Variants in CFAP74 observed in about 807,000 individuals in gnomAD.
CFAP74 encodes cilia- and flagella-associated protein 74.
CFAP74 carries 124 observed loss-of-function variants against 188.9 expected under a neutral mutation model. The observed-to-expected ratio is 0.66, with a 90% CI of 0.57 to 0.76. The LOEUF (loss-of-function observed/expected upper bound fraction) is 0.76, where lower values mean the gene tolerates loss of function less well. Ranked by LOEUF, CFAP74 falls within the 30% of genes least tolerant of loss-of-function variation. CFAP74 has a pLI of 0.00. For missense variants in CFAP74, 2,198 were observed against 2,165.2 expected (o/e 1.02, Z -0.30); for synonymous variants, 956 against 916.7 (o/e 1.04, Z -0.77).
In CFAP74 at chr1:1,922,991, T is replaced by C; in HGVS notation, c.4677A>G (p.Pro1559=). The part of the protein sequence containing the change: ...VGCIRTTQPS[P]KKTVEFSIDS... ...GGGGCAGTGCTGTGGGCACCTTCTT[T>C]GGAGATGGCTGGGTGGTCCGGATAC... Residue 1559 remains proline (P), a synonymous_variant, in exon 37 of 39, where the codon CCA becomes CCG. Transcript: ENST00000682832. The C allele has an allele frequency of 6.3e-7, 1 of 1,579,054 alleles. No homozygotes were observed. Among genetic ancestry groups the C allele is most frequent in the Non-Finnish European group, 8.6e-7 (1 of 1,166,058 alleles).
At chr1:1,955,265 G>A in intron 18 of CFAP74, 1 of 1,293,526 alleles carries the variant, frequency 7.7e-7, no homozygotes, top group South Asian at 1.2e-5. Context: ...CGGGCTGCAG[G>A]GCAGGAGGCA....
At chr1:1,995,052 G>A (rs557154428) in intron 1 of CFAP74, among the ~76,000 whole-genome samples, 3 of 152,282 alleles carry the variant, frequency 2.0e-5, no homozygotes, top group Admixed American at 6.5e-5. Flanking sequence ...TCCTCCAGTG[G>A]GAGCAGTGGG....
At chr1:1,945,664 C>T (rs375747832) in intron 20 of CFAP74, among the ~76,000 whole-genome samples, 3 of 151,876 alleles carry the variant, frequency 2.0e-5, no homozygotes, top group South Asian at 2.1e-4. Context: ...CCCATCTCTA[C>T]GAAAAATACA....
At chr1:1,946,022 G>C (rs558903500) in intron 20 of CFAP74, among the ~76,000 whole-genome samples, 2 of 151,756 alleles carry the variant, frequency 1.3e-5, no homozygotes, top group East Asian at 1.9e-4. Context: ...GCGTGTGTGC[G>C]TGTGTACGTG....
chr1:1,969,250 G>GCCCTA (rs1439357356), intron 10 of CFAP74, among the ~76,000 whole-genome samples: 1 of 33,024 alleles, frequency 3.0e-5, no homozygotes, highest in Non-Finnish European at 6.0e-5. Context: ...GCCCTGCCCA[G>GCCCTA]CCCTGCCCAA....
chr1:1,986,859 C>T (rs1657270291), intron 5 of CFAP74, 78 bp downstream of exon 5: 1 of 1,244,980 alleles, frequency 8.0e-7, no homozygotes, highest in African/African-American at 1.5e-5. Flanking sequence ...GTGCTTCACG[C>T]CTCACTTTGG....
intron 6 of CFAP74, among the ~76,000 whole-genome samples, chr1:1,983,347 C>T (rs1246058296): frequency 2.6e-5 from 4 of 152,366 alleles, no homozygotes; most frequent in African/African-American, 7.2e-5. Context: ...TCCAAGGGAA[C>T]GGTGTCGCTG....
rs760592030 is a variant in CFAP74 at position 1,985,346 on chromosome 1, G to C, written c.500+40C>G. On this transcript the variant is annotated intron_variant, in intron 6 of 38. Coordinates refer to ENST00000682832, the MANE Select transcript of CFAP74 (RefSeq NM_001304360.2). ...GATGGGAAGGACTCGCACCGTTCTGGGGCCTGCCTGCTGCCAGTCCCGGCT... is the reference window on the plus strand; with the variant it reads ...GATGGGAAGGACTCGCACCGTTCTGCGGCCTGCCTGCTGCCAGTCCCGGCT... 6.4e-6 allele frequency: 10 copies of C among 1,559,156 alleles called. No individual in the cohort carries two copies. In the Admixed American group the frequency reaches 1.7e-4, roughly 26 times the overall value.
chr1:1,960,784 G>A (rs1345106601), intron 14 of CFAP74, among the ~76,000 whole-genome samples: 1 of 152,242 alleles, frequency 6.6e-6, no homozygotes, highest in African/African-American at 2.4e-5. Context: ...ACAGAGCCCG[G>A]GATGGAGCTG....
Position 1,967,899 on chromosome 1 carries a change from G to T in CFAP74, c.1245+736C>A, listed in dbSNP as rs530948005. ...CCTGGATGTGAGTGAGTGAGTGAATGAGTAAGTGAGTGAATAAGTGAATGT... is the reference window on the plus strand; with the variant it reads ...CCTGGATGTGAGTGAGTGAGTGAATTAGTAAGTGAGTGAATAAGTGAATGT... On this transcript the variant is annotated intron_variant, in intron 11 of 38. Coordinates refer to ENST00000682832, the MANE Select transcript of CFAP74 (RefSeq NM_001304360.2). Among the ~76,000 whole-genome samples the T allele has an allele frequency of 3.3e-5, 5 of 151,634 alleles. 1 individual carries two copies. The South Asian group carries it at 1.0e-3, about 31-fold the overall frequency.
At chr1:2,000,404 G>C (rs894255744) in intron 1 of CFAP74, among the ~76,000 whole-genome samples, 29 of 152,266 alleles carry the variant, frequency 1.9e-4, no homozygotes, top group African/African-American at 6.7e-4. Context: ...AGATCATCCT[G>C]CCTATGGCAC....
chr1:2,002,124 C>A (rs1460790457), intron 1 of CFAP74, among the ~76,000 whole-genome samples: 3 of 152,066 alleles, frequency 2.0e-5, no homozygotes, highest in Non-Finnish European at 4.4e-5. Flanking sequence ...GGAGAATGTC[C>A]TCGTTTGTGG....
chr1:1,926,650 A>G lies in CFAP74; in HGVS notation c.3772+2T>C, dbSNP rs1651925069. On this transcript the variant is annotated splice_donor_variant, in intron 30 of 38. Transcript: ENST00000682832. LOFTEE classifies it high-confidence loss of function. ...AGGTGTGGGCGGGGCTTAGCGTCTC[A>G]CCCACAGCGACGTCGCCGAAGTTAA... 1 of 1,548,632 alleles carries G rather than the reference A, an allele frequency of 6.5e-7. No individual in the cohort carries two copies. Among genetic ancestry groups the G allele is most frequent in the African/African-American group, 1.4e-5 (1 of 72,956 alleles).
rs116351168 is a variant in CFAP74 at position 1,956,892 on chromosome 1, G to A, written c.1852-108C>T. The stretch of plus-strand genomic sequence containing the variant: ...GCAGGGCTGCCCTGAGCATTTGTGC[G>A]CGTTGTGCACTGCACAAGCAGGTAC... On this transcript the variant is annotated intron_variant, in intron 16 of 38. Coordinates refer to ENST00000682832, the MANE Select transcript of CFAP74 (RefSeq NM_001304360.2). 8.0e-4 allele frequency: 906 copies of A among 1,128,566 alleles called. 7 individuals carry two copies. The African/African-American group carries it at 0.01, about 13-fold the overall frequency. 69.9% of individuals were successfully genotyped at this position (1,128,566 alleles called of 1,614,324 possible).
intron 25 of CFAP74, among the ~76,000 whole-genome samples, chr1:1,933,466 C>T (rs1041171233): frequency 1.3e-5 from 2 of 152,240 alleles, no homozygotes; most frequent in African/African-American, 4.8e-5. Context: ...AGGCGTGAGC[C>T]ACCGCACCCG....
intron 1 of CFAP74, among the ~76,000 whole-genome samples, chr1:2,001,661 C>T (rs933540871): frequency 6.6e-6 from 1 of 152,174 alleles, no homozygotes; most frequent in Non-Finnish European, 1.5e-5. Context: ...AAAAGAACTT[C>T]CCAGTGGAGA....
intron 6 of CFAP74, among the ~76,000 whole-genome samples, chr1:1,976,877 G>A (rs981581898): frequency 9.8e-5 from 14 of 142,382 alleles, no homozygotes; most frequent in African/African-American, 3.6e-4. Flanking sequence ...AGACAGTCTC[G>A]CTCTGTTGCC....
At position 1,975,853 on chromosome 1, in the gene CFAP74, G is replaced by C. The variant is rs778910016; in HGVS notation, c.501-1655C>G. 6.6e-6 allele frequency among the ~76,000 whole-genome samples: 1 copy of C among 152,216 alleles called. No homozygotes were observed. Among genetic ancestry groups the C allele is most frequent in the Non-Finnish European group, 1.5e-5 (1 of 68,034 alleles). ...GATCAGTGCTCCAGTGGCCGTGGGA[G>C]CTAACAGCCTGCAGGGTCTCTTAGT... is the stretch of plus-strand genomic sequence containing the variant. On this transcript the variant is annotated intron_variant, in intron 6 of 38. Transcript: ENST00000682832. The surrounding 1 kb of genome is among the most constrained non-coding windows in gnomAD (Gnocchi z 4.5).
chr1:1,966,152 C>T (rs4648599), intron 12 of CFAP74, among the ~76,000 whole-genome samples: 32,686 of 152,118 alleles, frequency 0.21, 3,724 homozygotes, highest in East Asian at 0.26. Flanking sequence ...TCGTCGAGCA[C>T]GCGTGGTGCC....
Sources: gnomAD v4.1 joint callset for allele counts (sites outside exome capture counted in the v4.1 genomes callset) on GRCh38, gnomAD v4.1.1 for gene constraint, Gnocchi (gnomAD v3.1) non-coding constraint, MANE v1.5 for transcripts, NCBI Gene and HGNC (gene_info 2026-07-23, HGNC 2026-07-21) for gene names.